The following EPB41L4A variants were observed in gnomAD, a reference collection of about 807,000 sequenced individuals.
EPB41L4A encodes the protein erythrocyte membrane protein band 4.1 like 4A.
In EPB41L4A, 100 loss-of-function variants were observed where a neutral mutation model predicts 108.6. That is an observed-to-expected ratio of 0.92 (90% CI 0.78 to 1.09). EPB41L4A has a LOEUF of 1.09. EPB41L4A is among the 50% of genes least tolerant of loss of function. The pLI is 0.00. For synonymous variants in EPB41L4A, 319 were observed against 289.0 expected (o/e 1.10, Z -1.05); for missense variants, 1,030 against 842.7 (o/e 1.22, Z -2.75).
At chr5:112,379,240 T>C (rs1474520727) in intron 1 of EPB41L4A, among the ~76,000 whole-genome samples, 1 of 152,190 alleles carries the variant, frequency 6.6e-6, no homozygotes, top group African/African-American at 2.4e-5. Context: ...TGCAAGTTTT[T>C]TAAACGCTTC....
intron 1 of EPB41L4A, among the ~76,000 whole-genome samples, chr5:112,355,278 A>G (rs559793811): frequency 6.6e-6 from 1 of 152,372 alleles, no homozygotes; most frequent in Admixed American, 6.5e-5. Flanking sequence ...AAAATGGTTG[A>G]AATTAAGCAA....
At chr5:112,395,065 C>T (rs1761238411) in intron 1 of EPB41L4A, among the ~76,000 whole-genome samples, 1 of 152,164 alleles carries the variant, frequency 6.6e-6, no homozygotes, top group Admixed American at 6.5e-5. Flanking sequence ...AAACTGGATC[C>T]CTTCCTTACA....
intron 1 of EPB41L4A, among the ~76,000 whole-genome samples, chr5:112,360,591 C>A (rs1047261682): frequency 2.0e-5 from 3 of 152,214 alleles, no homozygotes; most frequent in Non-Finnish European, 4.4e-5. Context: ...GTTGCCCAGG[C>A]TGGAGTGCAG....
intron 20 of EPB41L4A, among the ~76,000 whole-genome samples, chr5:112,169,628 A>C (rs1760458198): frequency 6.6e-6 from 1 of 152,264 alleles, no homozygotes; most frequent in Non-Finnish European, 1.5e-5. Context: ...TCAAAACATC[A>C]GATTGTATAA....
chr5:112,341,843 G>C (rs922663764), intron 1 of EPB41L4A, among the ~76,000 whole-genome samples: 1 of 151,938 alleles, frequency 6.6e-6, no homozygotes, highest in African/African-American at 2.4e-5. Flanking sequence ...TCTAAACATA[G>C]AGCCCTGTAT....
At chr5:112,395,237 T>A (rs572845278) in intron 1 of EPB41L4A, among the ~76,000 whole-genome samples, 1 of 152,052 alleles carries the variant, frequency 6.6e-6, no homozygotes, top group East Asian at 1.9e-4. Context: ...AAGCCAAAAT[T>A]GACAAATGGG....
intron 1 of EPB41L4A, among the ~76,000 whole-genome samples, chr5:112,378,765 T>G (rs1759980614): frequency 6.6e-6 from 1 of 152,230 alleles, no homozygotes; most frequent in Non-Finnish European, 1.5e-5. Flanking sequence ...TAAAACAAAC[T>G]TCTTCACTGG....
intron 1 of EPB41L4A, among the ~76,000 whole-genome samples, chr5:112,310,270 T>A (rs909203785): frequency 3.9e-5 from 6 of 152,242 alleles, no homozygotes; most frequent in East Asian, 1.9e-4. Context: ...ATATTCCCTA[T>A]CGGTCTTATT....
At chr5:112,270,205 TC>T (rs577924017) in intron 4 of EPB41L4A, among the ~76,000 whole-genome samples, 21 of 152,146 alleles carry the variant, frequency 1.4e-4, no homozygotes, top group Non-Finnish European at 2.1e-4. Flanking sequence ...CACCAAAGAA[TC>T]CTGCAGTGCA....
At chr5:112,236,338 G>A (rs965841356) in intron 11 of EPB41L4A, among the ~76,000 whole-genome samples, 1 of 152,154 alleles carries the variant, frequency 6.6e-6, no homozygotes. Context: ...TGATGGCATG[G>A]GAGAAGGAAC....
intron 1 of EPB41L4A, among the ~76,000 whole-genome samples, chr5:112,346,216 ATTTTTTTTTTTTT>A (rs561328868): frequency 0.06 from 4,085 of 67,574 alleles, 277 homozygotes; most frequent in African/African-American, 0.16. Flanking sequence ...GGTACATTGC[ATTTTTTTTTTTTT>A]TTTTTTTTTT....
chr5:112,228,676 G>A, intron 12 of EPB41L4A: 1 of 983,518 alleles, frequency 1.0e-6, no homozygotes, highest in Non-Finnish European at 1.2e-6. Context: ...ACTTACAGCA[G>A]AGACGATCTC....
At chr5:112,216,226 G>A (rs1232398705) in intron 12 of EPB41L4A, among the ~76,000 whole-genome samples, 1 of 152,270 alleles carries the variant, frequency 6.6e-6, no homozygotes, top group East Asian at 1.9e-4. Flanking sequence ...TCATCCCTGT[G>A]ATGTCAAGAT....
intron 12 of EPB41L4A, among the ~76,000 whole-genome samples, chr5:112,150,982 T>C (rs1349238587): frequency 2.0e-5 from 3 of 152,176 alleles, no homozygotes; most frequent in Non-Finnish European, 2.9e-5. Flanking sequence ...ATGAATCACC[T>C]GGGGGGTTTG....
At chr5:112,329,888 T>C (rs1756440291) in intron 1 of EPB41L4A, among the ~76,000 whole-genome samples, 1 of 152,128 alleles carries the variant, frequency 6.6e-6, no homozygotes. Context: ...AGAGGCTTTA[T>C]GGTACTCTAC....
In EPB41L4A at chr5:112,234,765, G is replaced by A. The variant is rs1009636321; in HGVS notation, c.966-10C>T. 16 of 1,606,490 alleles carry A rather than the reference G, an allele frequency of 1.0e-5. No individual in the cohort carries two copies. Among genetic ancestry groups the A allele is most frequent in the African/African-American group, 9.4e-5 (7 of 74,770 alleles). On this transcript the variant is annotated splice_polypyrimidine_tract_variant and intron_variant, in intron 11 of 22. Coordinates refer to ENST00000261486, the MANE Select transcript of EPB41L4A (RefSeq NM_022140.5). ...CAAAGCTGTCCTGCCACTTGAGAGT[G>A]CAACATTTTGATTAGCAAAGGTAAA...
intron 18 of EPB41L4A, among the ~76,000 whole-genome samples, chr5:112,172,485 C>G (rs1196196150): frequency 6.8e-6 from 1 of 148,110 alleles, no homozygotes; most frequent in African/African-American, 2.5e-5. Context: ...GCACTCCAGT[C>G]TGGGCAACAG....
chr5:112,219,974 G>A (rs193152389), intron 12 of EPB41L4A, among the ~76,000 whole-genome samples: 1 of 152,304 alleles, frequency 6.6e-6, no homozygotes, highest in East Asian at 1.9e-4. Flanking sequence ...GGGATTACAG[G>A]CATCAGCCAC....
chr5:112,419,139 G>T lies in EPB41L4A; in HGVS notation c.-100C>A, dbSNP rs1026511968. The T allele has an allele frequency of 1.0e-5, 9 of 881,998 alleles. No homozygotes were observed. The highest frequency in any genetic ancestry group is 2.1e-5 in the Admixed American group (1 of 48,230). 54.6% of individuals were successfully genotyped at this position (881,998 alleles called of 1,614,324 possible). A position where few individuals can be genotyped will look rare whatever the true frequency, so the allele number is the denominator to read the frequency against. On this transcript the variant is annotated 5_prime_UTR_variant, in exon 1 of 23. Transcript: ENST00000261486. ...GATGCATTAATTTATTGTCCGCGCCGTGGCGAGGGTGAGACGAGCAGCTCC... is the reference window on the plus strand; with the variant it reads ...GATGCATTAATTTATTGTCCGCGCCTTGGCGAGGGTGAGACGAGCAGCTCC...
Sources: allele counts gnomAD v4.1 joint callset (sites outside exome capture counted in the v4.1 genomes callset), GRCh38; gene constraint gnomAD v4.1.1; transcripts MANE v1.5; gene names NCBI Gene and HGNC (gene_info 2026-07-23, HGNC 2026-07-21).